Variants in UBE2W observed in about 807,000 individuals in gnomAD.
UBE2W encodes ubiquitin conjugating enzyme E2 W.
In UBE2W, 18 loss-of-function variants were observed where a neutral mutation model predicts 27.2. That is an observed-to-expected ratio of 0.66 (90% CI 0.46 to 0.98). The LOEUF is 0.98. UBE2W is among the 50% of genes least tolerant of loss of function. UBE2W has a pLI of 0.00. For missense variants in UBE2W, 90 were observed against 180.2 expected (o/e 0.50, Z 2.87); for synonymous variants, 53 against 57.2 (o/e 0.93, Z 0.33).
chr8:73,816,558 G>GTAAT, intron 3 of UBE2W, among the ~76,000 whole-genome samples: 2 of 152,212 alleles, frequency 1.3e-5, no homozygotes, highest in South Asian at 4.1e-4. Context: ...GAAGAGGAAG[G>GTAAT]TAATTACTCT....
At chr8:73,806,974 A>C (rs761792049) in intron 4 of UBE2W, among the ~76,000 whole-genome samples, 6 of 152,258 alleles carry the variant, frequency 3.9e-5, no homozygotes, top group Non-Finnish European at 8.8e-5. Context: ...GAGCTACCGC[A>C]GATAAAGTGA....
At chr8:73,797,131 C>T (rs1382928067) in intron 5 of UBE2W, among the ~76,000 whole-genome samples, 11 of 152,068 alleles carry the variant, frequency 7.2e-5, no homozygotes, top group South Asian at 2.1e-4. Flanking sequence ...AGAGGTGACA[C>T]CTACCATGGC....
chr8:73,876,047 A>C (rs535411420), intron 1 of UBE2W, among the ~76,000 whole-genome samples: 1 of 152,228 alleles, frequency 6.6e-6, no homozygotes, highest in South Asian at 2.1e-4. Flanking sequence ...GCGAGACTCC[A>C]TCTCAACACA....
chr8:73,780,969 T>C (rs1807829969), intron 4 of UBE2W, among the ~76,000 whole-genome samples: 1 of 152,140 alleles, frequency 6.6e-6, no homozygotes, highest in African/African-American at 2.4e-5. Flanking sequence ...GCTTTTGGAC[T>C]AGAAAGTATT....
intron 1 of UBE2W, among the ~76,000 whole-genome samples, chr8:73,866,044 A>G (rs1811741322): frequency 6.6e-6 from 1 of 151,868 alleles, no homozygotes. Flanking sequence ...TTGGAAGGCC[A>G]AGGCAGGTGG....
downstream of UBE2W, among the ~76,000 whole-genome samples, chr8:73,782,280 A>G (rs760680488): frequency 2.6e-5 from 4 of 151,944 alleles, no homozygotes; most frequent in Admixed American, 1.3e-4. Context: ...GGTATAATGT[A>G]CAATAATCTA....
At chr8:73,828,151 CTTT>C (rs774076120) in intron 2 of UBE2W, among the ~76,000 whole-genome samples, 44 of 152,132 alleles carry the variant, frequency 2.9e-4, no homozygotes, top group Non-Finnish European at 5.6e-4. Flanking sequence ...AGTCTCAGTT[CTTT>C]AACACCCGTG....
At chr8:73,823,916 A>C (rs894095048) in intron 3 of UBE2W, among the ~76,000 whole-genome samples, 1 of 152,204 alleles carries the variant, frequency 6.6e-6, no homozygotes. Flanking sequence ...TATATTGTTT[A>C]AAGTGACAAT....
At chr8:73,805,116 CATT>C (rs1449917870) in intron 5 of UBE2W, among the ~76,000 whole-genome samples, 1 of 151,984 alleles carries the variant, frequency 6.6e-6, no homozygotes, top group Admixed American at 6.6e-5. Flanking sequence ...AGTAATTTTA[CATT>C]TTACTTTTAT....
intron 1 of UBE2W, among the ~76,000 whole-genome samples, chr8:73,832,712 C>T (rs183226141): frequency 6.6e-6 from 1 of 152,264 alleles, no homozygotes; most frequent in African/African-American, 2.4e-5. Flanking sequence ...TCTAAAAAGC[C>T]AGAATCTGAA....
chr8:73,832,275 T>A (rs1281449459), intron 1 of UBE2W, among the ~76,000 whole-genome samples: 1 of 152,050 alleles, frequency 6.6e-6, no homozygotes, highest in East Asian at 1.9e-4. Flanking sequence ...CACTCCAGCC[T>A]AAGTTACAGA....
intron 1 of UBE2W, among the ~76,000 whole-genome samples, chr8:73,833,184 CAAAAAAAAAAAA>C (rs1202478660): frequency 6.4e-5 from 2 of 31,380 alleles, no homozygotes; most frequent in Admixed American, 7.4e-4. Context: ...GACTCCACCT[CAAAAAAAAAAAA>C]AAAAAAAAAA....
intron 1 of UBE2W, among the ~76,000 whole-genome samples, chr8:73,856,170 T>C (rs557527489): frequency 4.3e-4 from 65 of 152,232 alleles, no homozygotes; most frequent in Non-Finnish European, 7.1e-4. Context: ...AATAAACAAA[T>C]TACCATTTTG....
intron 1 of UBE2W, among the ~76,000 whole-genome samples, chr8:73,859,757 T>G (rs1811466532): frequency 6.6e-6 from 1 of 152,300 alleles, no homozygotes; most frequent in South Asian, 2.1e-4. Context: ...ATTAGAAGAA[T>G]CTGAAGTAAA....
Position 73,825,170 on chromosome 8 carries a change from G to A in UBE2W, c.187C>T (p.Arg63Ter). 6.4e-7 allele frequency: 1 copy of A among 1,556,078 alleles called. No individual in the cohort carries two copies. ...ACCTGAGGAGAGTCAAAAGGATATCGACTACTAAATTTAAATAGAAGTTGA... is the reference window on the plus strand; with the variant it reads ...ACCTGAGGAGAGTCAAAAGGATATCAACTACTAAATTTAAATAGAAGTTGA... ...KFQLLFKFSS[R>*]YPFDSPQVMF... Residue 63 changes from arginine to a stop codon, truncating the protein, a stop_gained, in exon 3 of 6, where the codon CGA becomes TGA. Transcript: ENST00000602593. LOFTEE classifies it high-confidence loss of function.
intron 4 of UBE2W, among the ~76,000 whole-genome samples, chr8:73,807,860 A>G (rs1808982852): frequency 6.6e-6 from 1 of 152,240 alleles, no homozygotes; most frequent in African/African-American, 2.4e-5. Context: ...AAGAAACTAT[A>G]CAAAAGAAGT....
intron 3 of UBE2W, among the ~76,000 whole-genome samples, chr8:73,812,378 G>T (rs1363720374): frequency 6.6e-6 from 1 of 151,722 alleles, no homozygotes; most frequent in Non-Finnish European, 1.5e-5. Flanking sequence ...ACATCTATCG[G>T]TGCTAGTACC....
At chr8:73,834,552 G>C (rs773198415) in intron 1 of UBE2W, among the ~76,000 whole-genome samples, 3 of 152,182 alleles carry the variant, frequency 2.0e-5, no homozygotes, top group Non-Finnish European at 2.9e-5. Context: ...TGAGGCAGGA[G>C]AATTGTTTGA....
downstream of UBE2W, among the ~76,000 whole-genome samples, chr8:73,783,523 T>A (rs986195404): frequency 6.6e-6 from 1 of 152,204 alleles, no homozygotes; most frequent in African/African-American, 2.4e-5. Flanking sequence ...GGACTCTCTA[T>A]TCTGTTCCAC....
Sources: gnomAD v4.1 joint callset for allele counts (sites outside exome capture counted in the v4.1 genomes callset) on GRCh38, gnomAD v4.1.1 for gene constraint, MANE v1.5 for transcripts, NCBI Gene and HGNC (gene_info 2026-07-23, HGNC 2026-07-21) for gene names.